Variants in RAB11FIP4 observed in about 807,000 individuals in gnomAD.
RAB11FIP4 encodes rab11 family-interacting protein 4.
RAB11FIP4 carries 23 observed loss-of-function variants against 74.3 expected under a neutral mutation model. That is an observed-to-expected ratio of 0.31 (90% CI 0.22 to 0.44). The LOEUF is 0.44. Among genes scored for constraint, RAB11FIP4 ranks in the 20% least tolerant of loss-of-function variants. The pLI, the probability that RAB11FIP4 is intolerant of heterozygous loss-of-function variation, is 1.00. For synonymous variants in RAB11FIP4, 360 were observed against 359.9 expected, an observed-to-expected ratio of 1.00 and a Z score of 0.00; for missense variants, 630 against 863.9, an observed-to-expected ratio of 0.73 and a Z score of 3.39.
intron 7 of RAB11FIP4, chr17:31,522,721 C>G (rs1041966901): frequency 4.8e-6 from 2 of 418,666 alleles, no homozygotes; most frequent in Non-Finnish European, 8.6e-6. Context: ...GAGCTGGCAG[C>G]CATACTCAAT....
chr17:31,529,316 G>A (rs990052081), intron 13 of RAB11FIP4, among the ~76,000 whole-genome samples: 3 of 151,982 alleles, frequency 2.0e-5, no homozygotes, highest in African/African-American at 7.3e-5. Flanking sequence ...CAGGGTGGAG[G>A]GCAGTGGTGT....
intron 3 of RAB11FIP4, among the ~76,000 whole-genome samples, chr17:31,468,616 G>T (rs1597935096): frequency 1.3e-5 from 2 of 151,988 alleles, no homozygotes; most frequent in South Asian, 4.1e-4. Context: ...GGACCACAAG[G>T]TCAAGAGATT....
At chr17:31,433,650 C>G (rs1395313673) in intron 2 of RAB11FIP4, among the ~76,000 whole-genome samples, 1 of 152,184 alleles carries the variant, frequency 6.6e-6, no homozygotes, top group Non-Finnish European at 1.5e-5. Flanking sequence ...ACGGGGGGCG[C>G]CCAGCCTCGG....
intron 9 of RAB11FIP4, 47 bp from the exon 10 acceptor site, chr17:31,525,043 G>A (rs369318974): frequency 3.1e-4 from 482 of 1,549,058 alleles, no homozygotes; most frequent in Middle Eastern, 4.4e-4. Context: ...CTGGGTTGGG[G>A]TGAAATGGTG....
intron 3 of RAB11FIP4, among the ~76,000 whole-genome samples, chr17:31,498,719 G>A (rs1469490889): frequency 6.6e-6 from 1 of 152,198 alleles, no homozygotes; most frequent in African/African-American, 2.4e-5. Flanking sequence ...GTTGGATAGT[G>A]GCCTCTCTCT....
intron 3 of RAB11FIP4, among the ~76,000 whole-genome samples, chr17:31,435,247 G>A (rs1381557815): frequency 6.6e-6 from 1 of 152,162 alleles, no homozygotes; most frequent in Non-Finnish European, 1.5e-5. Context: ...CCTGGAGGTT[G>A]GGGGTAGGTG....
At chr17:31,505,160 A>G (rs1402176437) in intron 3 of RAB11FIP4, among the ~76,000 whole-genome samples, 1 of 151,824 alleles carries the variant, frequency 6.6e-6, no homozygotes, top group Non-Finnish European at 1.5e-5. Flanking sequence ...TTAAAGGGAC[A>G]GTAGTCTGTG....
chr17:31,480,860 T>C (rs890074508), intron 3 of RAB11FIP4, among the ~76,000 whole-genome samples: 1 of 148,098 alleles, frequency 6.8e-6, no homozygotes, highest in Non-Finnish European at 1.5e-5. Context: ...TCTATGCCCA[T>C]ACCCTGCTTT....
intron 3 of RAB11FIP4, among the ~76,000 whole-genome samples, chr17:31,474,323 C>T (rs1364184143): frequency 2.6e-5 from 4 of 152,076 alleles, no homozygotes; most frequent in Non-Finnish European, 5.9e-5. Context: ...ACAGAGCATG[C>T]CAACCTTGAG....
Position 31,492,540 on chromosome 17 carries a change from C to T in RAB11FIP4, c.337-25111C>T, listed in dbSNP as rs144497150. ...TGTAGCTTTGGGCCTGACCACGGTTCCAAGCACCATGATCTGGAGCCCACA... is the reference window on the plus strand; with the variant it reads ...TGTAGCTTTGGGCCTGACCACGGTTTCAAGCACCATGATCTGGAGCCCACA... On this transcript the variant is annotated intron_variant, in intron 3 of 14. Coordinates refer to ENST00000621161, the MANE Select transcript of RAB11FIP4 (RefSeq NM_032932.6). 3.2e-3 allele frequency among the ~76,000 whole-genome samples: 493 copies of T among 152,254 alleles called. 2 individuals carry two copies. Among genetic ancestry groups the T allele is most frequent in the Non-Finnish European group, 4.5e-3 (308 of 68,032 alleles).
rs1395924046 is a variant in RAB11FIP4 at position 31,535,895 on chromosome 17, T to G, written c.*4163T>G. ...TAGCTGAGCAGGAGGACATACTGTC[T>G]TTGTGGGTTTTGCTTCTGGTCTGTT... On this transcript the variant is annotated 3_prime_UTR_variant, in exon 15 of 15. Transcript: ENST00000621161. 1.3e-5 allele frequency: 2 copies of G among 152,216 alleles called. No individual in the cohort carries two copies. The highest frequency in any genetic ancestry group is 1.9e-4 in the East Asian group (1 of 5,194). 9.4% of individuals were successfully genotyped at this position (152,216 alleles called of 1,614,324 possible). A position where few individuals can be genotyped will look rare whatever the true frequency, so the allele number is the denominator to read the frequency against.
intron 1 of RAB11FIP4, among the ~76,000 whole-genome samples, chr17:31,414,475 C>T (rs1313494249): frequency 6.6e-6 from 1 of 152,216 alleles, no homozygotes; most frequent in Non-Finnish European, 1.5e-5. Flanking sequence ...GTCACTTTCG[C>T]TCCTATTCAG....
intron 4 of RAB11FIP4, among the ~76,000 whole-genome samples, chr17:31,519,479 C>T (rs963081250): frequency 6.6e-6 from 1 of 152,166 alleles, no homozygotes; most frequent in Non-Finnish European, 1.5e-5. Flanking sequence ...GAGTCCCTTC[C>T]ATCTCAGCCC....
chr17:31,531,903 G>A lies in RAB11FIP4; in HGVS notation c.*171G>A, dbSNP rs1425087833. On this transcript the variant is annotated 3_prime_UTR_variant, in exon 15 of 15. Coordinates refer to ENST00000621161, the MANE Select transcript of RAB11FIP4 (RefSeq NM_032932.6). ...GGGAGGCTGTGCACACGAGCGAGGG[G>A]TGAGTGGCCGTGGCTGTGGGCAGCA... 1.0e-5 allele frequency: 6 copies of A among 596,694 alleles called. No homozygotes were observed. The highest frequency in any genetic ancestry group is 1.5e-5 in the Non-Finnish European group (5 of 335,436). The allele number at this position is 596,694 out of a possible 1,614,324, so 37.0% of individuals were successfully genotyped here.
Position 31,534,891 on chromosome 17 carries a change from T to C in RAB11FIP4, c.*3159T>C, listed in dbSNP as rs2072932648. ...GCGTTCAGTTGGAAGCCACGCAAAATGAACTGAACCAGGAGTGAGCTTCGT... is the reference window on the plus strand; with the variant it reads ...GCGTTCAGTTGGAAGCCACGCAAAACGAACTGAACCAGGAGTGAGCTTCGT... On this transcript the variant is annotated 3_prime_UTR_variant, in exon 15 of 15. Transcript: ENST00000621161. 6.5e-6 allele frequency: 1 copy of C among 154,326 alleles called. No homozygotes were observed. The highest frequency in any genetic ancestry group is 1.5e-5 in the Non-Finnish European group (1 of 68,206). The allele number at this position is 154,326 out of a possible 1,614,324, so 9.6% of individuals were successfully genotyped here. A position where few individuals can be genotyped will look rare whatever the true frequency, so the allele number is the denominator to read the frequency against.
intron 3 of RAB11FIP4, among the ~76,000 whole-genome samples, chr17:31,466,278 C>A (rs1597933458): frequency 6.6e-6 from 1 of 152,158 alleles, no homozygotes; most frequent in African/African-American, 2.4e-5. Context: ...AGGACATACA[C>A]CCTGGACCCA....
intron 3 of RAB11FIP4, among the ~76,000 whole-genome samples, chr17:31,470,858 C>A (rs918241753): frequency 2.6e-5 from 4 of 152,154 alleles, no homozygotes; most frequent in African/African-American, 9.7e-5. Flanking sequence ...TCATGGCACT[C>A]ATCATAAAGG....
chr17:31,514,441 G>A (rs1246480210), intron 3 of RAB11FIP4, among the ~76,000 whole-genome samples: 3 of 151,916 alleles, frequency 2.0e-5, no homozygotes, highest in African/African-American at 7.3e-5. Context: ...TGTGGCTGTA[G>A]GGGGAAGGTG....
chr17:31,529,387 C>T (rs543516822), intron 13 of RAB11FIP4, among the ~76,000 whole-genome samples: 2 of 152,182 alleles, frequency 1.3e-5, no homozygotes, highest in South Asian at 4.1e-4. Flanking sequence ...CTCAGCCTCT[C>T]GAGCAGTTAG....
Sources: allele counts gnomAD v4.1 joint callset (sites outside exome capture counted in the v4.1 genomes callset), GRCh38; gene constraint gnomAD v4.1.1; transcripts MANE v1.5; gene names NCBI Gene and HGNC (gene_info 2026-07-23, HGNC 2026-07-21).